The following TTI1 variants were observed in gnomAD, a reference collection of about 807,000 sequenced individuals.
TTI1 encodes the protein TELO2-interacting protein 1 homolog.
A neutral mutation model predicts 85.4 loss-of-function variants in TTI1; 52 were observed. The observed-to-expected ratio is 0.61, with a 90% CI of 0.49 to 0.77. The LOEUF (loss-of-function observed/expected upper bound fraction) is 0.77. Among genes scored for constraint, TTI1 ranks in the 30% least tolerant of loss-of-function variants. TTI1 has a pLI of 0.00. For missense variants in TTI1, 1,173 were observed against 1,296.0 expected (o/e 0.91, Z 1.46); for synonymous variants, 512 against 503.9 (o/e 1.02, Z -0.22).
chr20:38,029,318 A>C (rs1172004841), intron 1 of TTI1, among the ~76,000 whole-genome samples: 2 of 152,130 alleles, frequency 1.3e-5, no homozygotes, highest in Non-Finnish European at 2.9e-5. Context: ...CCATGCTGAG[A>C]TGTAAATTAA....
intron 1 of TTI1, among the ~76,000 whole-genome samples, chr20:38,032,183 G>T (rs922996252): frequency 3.1e-4 from 47 of 152,180 alleles, no homozygotes; most frequent in African/African-American, 1.1e-3. Context: ...TGTTTCCTAC[G>T]CTGTCCAAAG....
chr20:38,032,477 C>T (rs898700106), intron 1 of TTI1, among the ~76,000 whole-genome samples: 5 of 152,274 alleles, frequency 3.3e-5, no homozygotes, highest in Admixed American at 6.5e-5. Context: ...AACTTAACTC[C>T]CTACCATCAC....
At chr20:38,017,992 A>G (rs1225490233) in intron 1 of TTI1, among the ~76,000 whole-genome samples, 2 of 152,258 alleles carry the variant, frequency 1.3e-5, no homozygotes, top group African/African-American at 4.8e-5. Flanking sequence ...GAAGTATTTA[A>G]TTAACAGAAG....
chr20:38,016,606 C>T (rs1347252617), intron 1 of TTI1, among the ~76,000 whole-genome samples: 1 of 152,180 alleles, frequency 6.6e-6, no homozygotes, highest in African/African-American at 2.4e-5. Context: ...TTTTCTTTCA[C>T]CCTCTCTTAA....
rs2073144237 is a variant in TTI1 at position 37,983,161 on chromosome 20, T to C, written c.*295A>G. On this transcript the variant is annotated 3_prime_UTR_variant, in exon 8 of 8. Transcript: ENST00000373447. ...GGAACTGACCTCTTGTGTGTGTGTG[T>C]GTGTGGCCTGTGAGGGAGCTGGGGC... 3.2e-6 allele frequency: 1 copy of C among 314,254 alleles called. No homozygotes were observed. The highest frequency in any genetic ancestry group is 2.3e-5 in the African/African-American group (1 of 44,426). The allele number at this position is 314,254 out of a possible 1,614,324, so 19.5% of individuals were successfully genotyped here.
intron 5 of TTI1, 75 bp downstream of exon 5, chr20:37,999,113 C>T (rs2073382707): frequency 1.5e-6 from 2 of 1,310,832 alleles, no homozygotes; most frequent in Non-Finnish European, 9.8e-7. Flanking sequence ...GAGAACCAAT[C>T]CAAAAGGCCC....
chr20:37,993,895 G>C (rs977462360), intron 7 of TTI1, among the ~76,000 whole-genome samples: 1 of 152,228 alleles, frequency 6.6e-6, no homozygotes. Context: ...TAGAGGGGCA[G>C]GACTGGAAGT....
intron 1 of TTI1, among the ~76,000 whole-genome samples, chr20:38,021,989 A>G (rs2073777477): frequency 6.6e-6 from 1 of 152,240 alleles, no homozygotes; most frequent in Admixed American, 6.5e-5. Context: ...AATACGAACA[A>G]GGAAGAGGGA....
intron 1 of TTI1, among the ~76,000 whole-genome samples, chr20:38,024,664 A>G (rs200835421): frequency 6.6e-6 from 1 of 152,152 alleles, no homozygotes; most frequent in Non-Finnish European, 1.5e-5. Flanking sequence ...CACTACAGAA[A>G]ATAAGGCGGC....
At chr20:38,017,242 G>T (rs1328930402) in intron 1 of TTI1, among the ~76,000 whole-genome samples, 2 of 152,124 alleles carry the variant, frequency 1.3e-5, no homozygotes, top group Non-Finnish European at 2.9e-5. Context: ...CTTCCAAGTA[G>T]GATATAGTAT....
intron 1 of TTI1, among the ~76,000 whole-genome samples, chr20:38,030,934 C>T (rs375778972): frequency 8.5e-5 from 13 of 152,292 alleles, no homozygotes; most frequent in Middle Eastern, 3.4e-3. Context: ...TAAATGGAAG[C>T]GCTATTCTTA....
chr20:37,996,281 A>G, intron 7 of TTI1, 94 bp downstream of exon 7: 1 of 1,313,108 alleles, frequency 7.6e-7, no homozygotes. Context: ...GTGACAGAGA[A>G]AAGAGCAGAG....
chr20:37,985,688 C>T (rs1056717362), intron 7 of TTI1, among the ~76,000 whole-genome samples: 2 of 151,926 alleles, frequency 1.3e-5, no homozygotes, highest in African/African-American at 2.4e-5. Flanking sequence ...TCACCATGCC[C>T]GGCTAATTTT....
At chr20:37,984,858 T>C (rs1031409484) in intron 7 of TTI1, among the ~76,000 whole-genome samples, 4 of 152,236 alleles carry the variant, frequency 2.6e-5, no homozygotes, top group African/African-American at 9.6e-5. Flanking sequence ...AGCATCCAGT[T>C]AATATTGACT....
chr20:38,032,290 C>T (rs1247714639), intron 1 of TTI1, among the ~76,000 whole-genome samples: 1 of 152,176 alleles, frequency 6.6e-6, no homozygotes, highest in Non-Finnish European at 1.5e-5. Context: ...ACTGCGTTAG[C>T]TATGATTATG....
chr20:38,009,056 G>A (rs2073542586), intron 2 of TTI1, among the ~76,000 whole-genome samples: 1 of 152,056 alleles, frequency 6.6e-6, no homozygotes, highest in Non-Finnish European at 1.5e-5. Context: ...GAAGACATCA[G>A]CAATCTAAGA....
intron 1 of TTI1, among the ~76,000 whole-genome samples, chr20:38,031,233 C>G (rs1568635407): frequency 6.6e-6 from 1 of 152,234 alleles, no homozygotes; most frequent in Non-Finnish European, 1.5e-5. Flanking sequence ...GCCCAGTGGA[C>G]TTCATTTCAT....
chr20:37,987,357 G>A (rs536807702), intron 7 of TTI1: 16 of 456,606 alleles, frequency 3.5e-5, no homozygotes, highest in Non-Finnish European at 7.0e-5. Context: ...GTAACTGCCT[G>A]GAAAATGTTC....
At chr20:38,020,323 AAT>A (rs1159604655) in intron 1 of TTI1, among the ~76,000 whole-genome samples, 504 of 50,312 alleles carry the variant, frequency 0.01, 6 homozygotes, top group East Asian at 0.029. Flanking sequence ...AAAAAAAAAA[AAT>A]ATATATATAT....
Sources: allele counts gnomAD v4.1 joint callset (sites outside exome capture counted in the v4.1 genomes callset), GRCh38; gene constraint gnomAD v4.1.1; transcripts MANE v1.5; gene names NCBI Gene and HGNC (gene_info 2026-07-23, HGNC 2026-07-21).